C6orf89: variants seen among roughly 807,000 people sequenced by gnomAD.
The protein encoded by C6orf89 is bombesin receptor-activated protein C6orf89.
C6orf89 carries 29 observed loss-of-function variants against 40.7 expected under a neutral mutation model. The observed-to-expected ratio is 0.71, with a 90% CI of 0.53 to 0.97. The LOEUF is 0.97. Ranked by LOEUF, C6orf89 falls within the 50% of genes least tolerant of loss-of-function variation. The pLI is 0.00. For synonymous variants in C6orf89, 165 were observed against 152.2 expected (o/e 1.08, Z -0.62); for missense variants, 392 against 429.1 (o/e 0.91, Z 0.76).
At chr6:36,885,729 G>A, upstream of C6orf89, 1 of 325,578 alleles carries the variant, frequency 3.1e-6, no homozygotes, top group Non-Finnish European at 5.6e-6. Context: ...GGTAAATTAG[G>A]AAGACAAGGA....
intron 2 of C6orf89, among the ~76,000 whole-genome samples, chr6:36,896,041 T>C (rs1761414905): frequency 6.6e-6 from 1 of 152,250 alleles, no homozygotes; most frequent in Non-Finnish European, 1.5e-5. Flanking sequence ...GATATCTCAC[T>C]GTGATTTTGA....
At chr6:36,881,322 A>T (rs1282515623), upstream of C6orf89, among the ~76,000 whole-genome samples, 1 of 152,218 alleles carries the variant, frequency 6.6e-6, no homozygotes. Context: ...GGGTTAAAGG[A>T]TTGTTTTAAA....
At chr6:36,899,700 G>T in intron 3 of C6orf89, 67 bp downstream of exon 3, 1 of 1,492,308 alleles carries the variant, frequency 6.7e-7, no homozygotes, top group East Asian at 2.3e-5. Flanking sequence ...CTTCACAAAT[G>T]CTATTGTTGA....
intron 6 of C6orf89, 144 bp from the exon 7 acceptor site, chr6:36,916,301 G>A (rs751976538): frequency 1.3e-6 from 1 of 794,680 alleles, no homozygotes; most frequent in South Asian, 1.8e-5. Context: ...CTATTCTTCA[G>A]GGACCTAGTA....
chr6:36,872,952 T>G (rs1774548521), intron 1 of C6orf89, among the ~76,000 whole-genome samples: 1 of 152,218 alleles, frequency 6.6e-6, no homozygotes, highest in South Asian at 2.1e-4. Context: ...GGATACCCAG[T>G]GCCTTGCACA....
In C6orf89 at chr6:36,924,505, CAAGGT is replaced by C. The variant is rs1762618563; in HGVS notation, c.*1065_*1069del. 1 of 152,182 alleles carries C rather than the reference CAAGGT, an allele frequency of 6.6e-6. No homozygotes were observed. Among genetic ancestry groups the C allele is most frequent in the Non-Finnish European group, 1.5e-5 (1 of 68,038 alleles). 9.4% of individuals were successfully genotyped at this position (152,182 alleles called of 1,614,324 possible). A position where few individuals can be genotyped will look rare whatever the true frequency, so the allele number is the denominator to read the frequency against. ...TTCTGTCTGTGCTGCGAAACAAAGA[CAAGGT>C]GAGGTGTTTTTCTTTTTTGTAATAA... On this transcript the variant is annotated 3_prime_UTR_variant, in exon 9 of 9. Coordinates refer to ENST00000480824, the MANE Select transcript of C6orf89 (RefSeq NM_001286635.2).
chr6:36,923,236 A>G lies in C6orf89; in HGVS notation c.950-111A>G, dbSNP rs908737152. ...TTAAATAGAAAAAGATTTGTCTTTG[A>G]CTCTGCAGTGCACCCTGAGGGCCAG... On this transcript the variant is annotated intron_variant, in intron 8 of 8. Coordinates refer to ENST00000480824, the MANE Select transcript of C6orf89 (RefSeq NM_001286635.2). 2.5e-5 allele frequency: 17 copies of G among 677,696 alleles called. No homozygotes were observed. The East Asian group carries it at 4.0e-4, about 16-fold the overall frequency. 42.0% of individuals were successfully genotyped at this position (677,696 alleles called of 1,614,324 possible). A position where few individuals can be genotyped will look rare whatever the true frequency, so the allele number is the denominator to read the frequency against.
At chr6:36,917,539 CA>C (rs1168120057) in intron 7 of C6orf89, among the ~76,000 whole-genome samples, 4 of 152,168 alleles carry the variant, frequency 2.6e-5, no homozygotes, top group African/African-American at 7.2e-5. Flanking sequence ...ATAAATTTCC[CA>C]AACTATGGCC....
chr6:36,898,155 T>C (rs1054234759), intron 2 of C6orf89, among the ~76,000 whole-genome samples: 7 of 152,208 alleles, frequency 4.6e-5, no homozygotes, highest in Non-Finnish European at 7.3e-5. Context: ...TGATCATAGC[T>C]CACTGCAGCC....
At chr6:36,893,124 C>T (rs1414178259) in intron 1 of C6orf89, among the ~76,000 whole-genome samples, 9 of 150,434 alleles carry the variant, frequency 6.0e-5, no homozygotes, top group Non-Finnish European at 8.9e-5. Flanking sequence ...TTAGTAGAGA[C>T]GGGGTTTCAC....
intron 2 of C6orf89, among the ~76,000 whole-genome samples, chr6:36,899,011 C>T (rs912350980): frequency 4.6e-5 from 7 of 152,132 alleles, no homozygotes; most frequent in African/African-American, 1.7e-4. Flanking sequence ...AAATGTTCAA[C>T]AACAGCGTTA....
chr6:36,889,626 T>G (rs1359732765), intron 1 of C6orf89, among the ~76,000 whole-genome samples: 7 of 151,152 alleles, frequency 4.6e-5, no homozygotes, highest in African/African-American at 1.7e-4. Context: ...TGTTCTGAAG[T>G]TAAGTAGATT....
intron 6 of C6orf89, among the ~76,000 whole-genome samples, 180 bp from the exon 7 acceptor site, chr6:36,916,265 C>A (rs921641705): frequency 1.3e-5 from 2 of 152,154 alleles, no homozygotes; most frequent in Non-Finnish European, 2.9e-5. Context: ...TGTGTGTACA[C>A]ATTATAGTTC....
chr6:36,887,111 G>GT (rs1488814025), intron 1 of C6orf89, among the ~76,000 whole-genome samples: 15 of 148,212 alleles, frequency 1.0e-4, no homozygotes, highest in African/African-American at 2.8e-4. Flanking sequence ...CTACCTCTGC[G>GT]TTTTTTTGTT....
rs570247875 is a variant in C6orf89, at chr6:36,923,818, A to G, written c.*377A>G. ...TCCCTGGCAGTGGAGAGGGCAGCCA[A>G]CAGGTTCTAATGTCAGAGCCATCCT... On this transcript the variant is annotated 3_prime_UTR_variant, in exon 9 of 9. Coordinates refer to ENST00000480824, the MANE Select transcript of C6orf89 (RefSeq NM_001286635.2). 2.6e-5 allele frequency: 9 copies of G among 341,778 alleles called. No individual in the cohort carries two copies. Among genetic ancestry groups the G allele is most frequent in the Middle Eastern group, 1.1e-3 (1 of 946 alleles). The allele number at this position is 341,778 out of a possible 1,614,324, so 21.2% of individuals were successfully genotyped here.
At chr6:36,907,038 C>T (rs1290616122) in intron 4 of C6orf89, among the ~76,000 whole-genome samples, 2 of 152,092 alleles carry the variant, frequency 1.3e-5, no homozygotes, top group African/African-American at 4.8e-5. Flanking sequence ...GCCTGCCTTC[C>T]TGCCTTCCTC....
At chr6:36,901,244 A>G (rs1761673030) in intron 3 of C6orf89, among the ~76,000 whole-genome samples, 1 of 150,748 alleles carries the variant, frequency 6.6e-6, no homozygotes, top group South Asian at 2.1e-4. Context: ...GGCCTCCCAA[A>G]GTGCTGGAAT....
At position 36,926,571 on chromosome 6, in the gene C6orf89, AAAG is replaced by A. The variant is rs1316628193; in HGVS notation, c.*3135_*3137del. ...AAAGAAAAAAAAAAAGAGAGAGAGA[AAAG>A]AAGAGGGGAGGGGAGGGAAAGGGAA... On this transcript the variant is annotated 3_prime_UTR_variant, in exon 9 of 9. Transcript: ENST00000480824. 6 of 119,462 alleles carry A rather than the reference AAAG, an allele frequency of 5.0e-5. No homozygotes were observed. In the East Asian group the frequency reaches 1.3e-3, roughly 27 times the overall value. The allele number at this position is 119,462 out of a possible 1,614,324, so 7.4% of individuals were successfully genotyped here.
At chr6:36,918,376 G>A (rs920186016) in intron 7 of C6orf89, among the ~76,000 whole-genome samples, 3 of 152,246 alleles carry the variant, frequency 2.0e-5, no homozygotes, top group African/African-American at 7.2e-5. Context: ...GAGGACTACA[G>A]ATGTTAAGGC....
Sources: allele counts gnomAD v4.1 joint callset (sites outside exome capture counted in the v4.1 genomes callset), GRCh38; gene constraint gnomAD v4.1.1; transcripts MANE v1.5; gene names NCBI Gene and HGNC (gene_info 2026-07-23, HGNC 2026-07-21).